Variants in PTPRH observed in about 807,000 individuals in gnomAD.
The protein encoded by PTPRH is receptor-type tyrosine-protein phosphatase H.
Under a neutral mutation model 130.2 loss-of-function variants are expected in PTPRH, and 113 were observed. The ratio of observed to expected loss-of-function variants is 0.87; its 90% confidence interval spans 0.75 to 1.01. The LOEUF is 1.01. Among genes scored for constraint, PTPRH ranks in the 50% least tolerant of loss-of-function variants. PTPRH has a pLI of 0.00. For missense variants in PTPRH, 1,430 were observed against 1,425.0 expected, an observed-to-expected ratio of 1.00 and a Z score of -0.06; for synonymous variants, 556 against 577.9, an observed-to-expected ratio of 0.96 and a Z score of 0.54.
At chr19:55,187,361 GAAAAAAAGAAAA>G in intron 14 of PTPRH, 140 bp downstream of exon 14, 1 of 221,504 alleles carries the variant, frequency 4.5e-6, no homozygotes, top group South Asian at 1.0e-4. Context: ...AAAAAAAAAA[GAAAAAAAGAAAA>G]AAAAAAAAGG....
chr19:55,207,100 G>A, intron 2 of PTPRH, 66 bp downstream of exon 2: 1 of 1,602,968 alleles, frequency 6.2e-7, no homozygotes, highest in Non-Finnish European at 8.5e-7. Flanking sequence ...GGACCCCCCA[G>A]AGGCTCACGG....
In PTPRH at chr19:55,184,024, C is replaced by A. The variant is rs546481855; in HGVS notation, c.3062+1478G>T. Among the ~76,000 whole-genome samples, 3 of 152,120 alleles carry A rather than the reference C, an allele frequency of 2.0e-5. No homozygotes were observed. The East Asian group carries it at 5.8e-4, about 29-fold the overall frequency. ...ACATTGCCGGGCACAGTGGTTCACG[C>A]CTGTAATCCCAGCACTTTGGGAGGC... is the stretch of plus-strand genomic sequence containing the variant. On this transcript the variant is annotated intron_variant, in intron 18 of 19. Coordinates refer to ENST00000376350, the MANE Select transcript of PTPRH (RefSeq NM_002842.5).
intron 12 of PTPRH, chr19:55,189,615 C>A: frequency 2.2e-6 from 1 of 448,546 alleles, no homozygotes; most frequent in South Asian, 1.6e-5. Flanking sequence ...TCCTCTCCCA[C>A]TTGCGTAGGC....
At chr19:55,198,159 G>A (rs2086745163) in intron 8 of PTPRH, among the ~76,000 whole-genome samples, 1 of 152,192 alleles carries the variant, frequency 6.6e-6, no homozygotes, top group Non-Finnish European at 1.5e-5. Context: ...CGAGGCTGCA[G>A]TAACCATGAT....
At position 55,181,705 on chromosome 19, in the gene PTPRH, T is replaced by C. The variant is rs2086175092; in HGVS notation, c.*49A>G. 2 of 1,608,748 alleles carry C rather than the reference T, an allele frequency of 1.2e-6. No individual in the cohort carries two copies. Among genetic ancestry groups the C allele is most frequent in the African/African-American group, 1.3e-5 (1 of 74,786 alleles). On this transcript the variant is annotated 3_prime_UTR_variant, in exon 20 of 20. Coordinates refer to ENST00000376350, the MANE Select transcript of PTPRH (RefSeq NM_002842.5). Reference sequence around the variant, plus strand: ...TTCCAGGAATCTGGGCTCAAGTGGGTGTCCAGAGCTTGAGGATGCCTGGGC... The same window carrying C: ...TTCCAGGAATCTGGGCTCAAGTGGGCGTCCAGAGCTTGAGGATGCCTGGGC...
intron 10 of PTPRH, chr19:55,192,169 G>A (rs1277657587): frequency 8.4e-6 from 3 of 355,526 alleles, no homozygotes; most frequent in South Asian, 2.1e-5. Flanking sequence ...TTGGGAGGCG[G>A]AGATGGGCAC....
intron 10 of PTPRH, among the ~76,000 whole-genome samples, chr19:55,194,637 C>T (rs922376399): frequency 1.3e-5 from 2 of 152,088 alleles, no homozygotes; most frequent in Non-Finnish European, 2.9e-5. Context: ...GCTTAAGCTC[C>T]AAAGTTTTTC....
chr19:55,184,038 A>G (rs757261839), intron 18 of PTPRH, among the ~76,000 whole-genome samples: 6 of 152,084 alleles, frequency 3.9e-5, no homozygotes, highest in Non-Finnish European at 7.3e-5. Flanking sequence ...TAATCCCAGC[A>G]CTTTGGGAGG....
At chr19:55,204,592 C>G (rs562832914) in intron 4 of PTPRH, among the ~76,000 whole-genome samples, 4 of 152,072 alleles carry the variant, frequency 2.6e-5, no homozygotes, top group Non-Finnish European at 5.9e-5. Flanking sequence ...CACTCCCCCC[C>G]ACCCTTTTTC....
At chr19:55,187,872 G>T (rs1423875200) in intron 13 of PTPRH, among the ~76,000 whole-genome samples, 2 of 152,080 alleles carry the variant, frequency 1.3e-5, no homozygotes, top group African/African-American at 4.8e-5. Flanking sequence ...GGGGCAGAGA[G>T]AGTTACTTTA....
rs1272304809 is a variant in PTPRH, at chr19:55,196,842, C to G, written c.1991-54G>C. The stretch of plus-strand genomic sequence containing the variant: ...TGCCATCCAAGGTGGCTTTCCACCC[C>G]CTCCACCCCTACCCCCAGTTTTCTG... On this transcript the variant is annotated intron_variant, in intron 9 of 19. Coordinates refer to ENST00000376350, the MANE Select transcript of PTPRH (RefSeq NM_002842.5). 1.2e-5 allele frequency: 19 copies of G among 1,572,210 alleles called. No homozygotes were observed. In the South Asian group the frequency reaches 2.1e-4, roughly 17 times the overall value.
intron 18 of PTPRH, among the ~76,000 whole-genome samples, chr19:55,183,410 A>AAAAT (rs886542698): frequency 1.3e-5 from 2 of 149,470 alleles, no homozygotes; most frequent in Non-Finnish European, 3.0e-5. Context: ...GTCCCCCACA[A>AAAAT]AAATAAATAA....
At chr19:55,205,613 G>A in intron 3 of PTPRH, 21 bp from the exon 4 acceptor site, 1 of 1,612,532 alleles carries the variant, frequency 6.2e-7, no homozygotes, top group African/African-American at 1.3e-5. Flanking sequence ...GCACAGGAGG[G>A]AAAATCAGTT....
chr19:55,188,541 T>A (rs1221227239), intron 12 of PTPRH, among the ~76,000 whole-genome samples: 2 of 150,752 alleles, frequency 1.3e-5, no homozygotes, highest in African/African-American at 5.0e-5. Flanking sequence ...TAAAATAAAA[T>A]AAAAAATAAT....
In PTPRH at chr19:55,186,334, A is replaced by G. The variant is rs1311509676; in HGVS notation, c.2669T>C (p.Ile890Thr). 14 of 1,613,924 alleles carry G rather than the reference A, an allele frequency of 8.7e-6. No individual in the cohort carries two copies. The highest frequency in any genetic ancestry group is 1.7e-5 in the Admixed American group (1 of 59,992). Residue 890 changes from isoleucine to threonine, a missense_variant, in exon 16 of 20, where the codon ATT becomes ACT. Ile to Thr is a moderately conservative substitution (Grantham distance 89). Transcript: ENST00000376350. ...MPGLWSPQEF[I>T]ATQGPLPQTV... ...CTGTGGCAGGGGACCCTGGGTTGCAATGAACTCCTGGGGGCTCCAGAGACC... is the reference window on the plus strand; with the variant it reads ...CTGTGGCAGGGGACCCTGGGTTGCAGTGAACTCCTGGGGGCTCCAGAGACC...
At chr19:55,193,926 G>A (rs774393275) in intron 10 of PTPRH, 30 of 278,166 alleles carry the variant, frequency 1.1e-4, no homozygotes, top group South Asian at 8.4e-4. Context: ...CCGGCTCACC[G>A]CAACCTCCGC....
chr19:55,182,866 C>T (rs1171028393), intron 18 of PTPRH, among the ~76,000 whole-genome samples: 2 of 151,950 alleles, frequency 1.3e-5, no homozygotes, highest in African/African-American at 4.8e-5. Context: ...ATGATCTCGG[C>T]TCACTGCACC....
At chr19:55,187,238 G>C (rs1302940894) in intron 14 of PTPRH, among the ~76,000 whole-genome samples, 6 of 147,252 alleles carry the variant, frequency 4.1e-5, no homozygotes, top group Non-Finnish European at 7.4e-5. Context: ...CCAGCTACTC[G>C]GGAGGCTGAG....
At chr19:55,198,499 C>T (rs1000662129) in intron 8 of PTPRH, 144 bp downstream of exon 8, 6 of 822,676 alleles carry the variant, frequency 7.3e-6, no homozygotes, top group African/African-American at 5.3e-5. Flanking sequence ...CCACTAGGAA[C>T]GGGACCTACA....
Sources: allele counts gnomAD v4.1 joint callset (sites outside exome capture counted in the v4.1 genomes callset), GRCh38; gene constraint gnomAD v4.1.1; transcripts MANE v1.5; gene names NCBI Gene and HGNC (gene_info 2026-07-23, HGNC 2026-07-21).